Variants in ANGPT2 observed in about 807,000 individuals in gnomAD.
ANGPT2 encodes the protein angiopoietin-2.
A neutral mutation model predicts 62.9 loss-of-function variants in ANGPT2; 28 were observed. The observed-to-expected ratio is 0.44, with a 90% CI of 0.33 to 0.61. The LOEUF (loss-of-function observed/expected upper bound fraction) is 0.61. ANGPT2 is among the 20% of genes least tolerant of loss of function. The probability of loss-of-function intolerance (pLI) is 0.03; values close to 1 mark genes in which losing one functional copy is unlikely to be tolerated. For missense variants in ANGPT2, 727 were observed against 594.9 expected (o/e 1.22, Z -2.31); for synonymous variants, 284 against 207.8 (o/e 1.37, Z -3.15).
intron 5 of ANGPT2, among the ~76,000 whole-genome samples, chr8:6,515,697 A>G (rs1403217952): frequency 6.6e-6 from 1 of 152,234 alleles, no homozygotes; most frequent in Non-Finnish European, 1.5e-5. Flanking sequence ...AGAAAGTAAG[A>G]TAAATTTTCT....
At chr8:6,558,422 A>C (rs1586617432) in intron 1 of ANGPT2, among the ~76,000 whole-genome samples, 1 of 152,118 alleles carries the variant, frequency 6.6e-6, no homozygotes, top group Non-Finnish European at 1.5e-5. Context: ...CTTGTTTTTC[A>C]ATTTTAAATG....
At chr8:6,544,846 G>A (rs13250248) in intron 1 of ANGPT2, among the ~76,000 whole-genome samples, 31,141 of 152,078 alleles carry the variant, frequency 0.2, 3,346 homozygotes, top group Non-Finnish European at 0.22. Flanking sequence ...CTCGAAATAT[G>A]TTTTGAGGCC....
At chr8:6,524,374 G>T (rs1817944689) in intron 3 of ANGPT2, among the ~76,000 whole-genome samples, 1 of 152,166 alleles carries the variant, frequency 6.6e-6, no homozygotes, top group Non-Finnish European at 1.5e-5. Flanking sequence ...TTCTGCGAAG[G>T]CATATGAAGA....
intron 1 of ANGPT2, among the ~76,000 whole-genome samples, chr8:6,540,816 G>A (rs1821414829): frequency 6.6e-6 from 1 of 152,270 alleles, no homozygotes; most frequent in Non-Finnish European, 1.5e-5. Flanking sequence ...AACAGGCGCG[G>A]GAGGCAGGGG....
At position 6,521,306 on chromosome 8, in the gene ANGPT2, T is replaced by C; in HGVS notation, c.671A>G (p.Asn224Ser). 6.2e-7 allele frequency: 1 copy of C among 1,613,856 alleles called. No individual in the cohort carries two copies. The change falls in exon 4 of 9, where the codon AAT (asparagine) becomes AGT (serine). Residue 224 changes from asparagine to serine, a missense_variant. Coordinates refer to ENST00000629816, the MANE Select transcript of ANGPT2 (RefSeq NM_001118887.2). ...TTTTTCTAGTTCTTCAATGATGGAA[T>C]TTTGCTTGGATACTAACACCTGTAG... ...DQLQVLVSKQ[N>S]SIIEELEKKI...
At chr8:6,534,186 C>A (rs1488261030) in intron 1 of ANGPT2, among the ~76,000 whole-genome samples, 5 of 151,886 alleles carry the variant, frequency 3.3e-5, no homozygotes, top group Non-Finnish European at 7.4e-5. Flanking sequence ...ACGGGTTCAA[C>A]CACACCATCA....
At chr8:6,528,586 T>G (rs1818824762) in intron 2 of ANGPT2, among the ~76,000 whole-genome samples, 1 of 152,244 alleles carries the variant, frequency 6.6e-6, no homozygotes, top group African/African-American at 2.4e-5. Flanking sequence ...GCCTCAGCCT[T>G]GCCGTGCGGG....
chr8:6,554,488 C>A (rs1824240243), intron 1 of ANGPT2, among the ~76,000 whole-genome samples: 1 of 152,118 alleles, frequency 6.6e-6, no homozygotes, highest in South Asian at 2.1e-4. Flanking sequence ...CTTAGTATCT[C>A]ATCTCTTTAA....
At position 6,514,652 on chromosome 8, in the gene ANGPT2, C is replaced by A. The variant is rs200292434; in HGVS notation, c.1029+25G>T. 48 of 1,595,612 alleles carry A rather than the reference C, an allele frequency of 3.0e-5. No homozygotes were observed. In the Admixed American group the frequency reaches 7.5e-4, roughly 25 times the overall value. On this transcript the variant is annotated intron_variant, in intron 6 of 8. Transcript: ENST00000629816. ...TATTTTTCACAAGGGAAATTCTTTT[C>A]TGATGCCTTAAAGAATGTCCTTACC...
chr8:6,514,250 T>C (rs1257494072), intron 6 of ANGPT2, among the ~76,000 whole-genome samples: 2 of 152,142 alleles, frequency 1.3e-5, no homozygotes, highest in Non-Finnish European at 2.9e-5. Flanking sequence ...AGTGCAGTGG[T>C]GTGATCTTGG....
At chr8:6,539,341 A>T (rs1226944934) in intron 1 of ANGPT2, among the ~76,000 whole-genome samples, 1 of 152,154 alleles carries the variant, frequency 6.6e-6, no homozygotes, top group Non-Finnish European at 1.5e-5. Flanking sequence ...GACTGTTTTT[A>T]TAGTCTTGGC....
intron 1 of ANGPT2, among the ~76,000 whole-genome samples, chr8:6,557,732 G>A (rs1824874035): frequency 6.6e-6 from 1 of 151,702 alleles, no homozygotes; most frequent in Non-Finnish European, 1.5e-5. Context: ...TATACAGGGA[G>A]AGATAGAATG....
At chr8:6,512,588 T>A (rs2922903) in intron 7 of ANGPT2, among the ~76,000 whole-genome samples, 11 of 151,978 alleles carry the variant, frequency 7.2e-5, no homozygotes, top group South Asian at 2.1e-4. Flanking sequence ...ACAGTCTCAC[T>A]TCTCTGCCCC....
At chr8:6,539,765 T>A (rs1302130744) in intron 1 of ANGPT2, among the ~76,000 whole-genome samples, 5 of 152,146 alleles carry the variant, frequency 3.3e-5, no homozygotes, top group Non-Finnish European at 7.4e-5. Flanking sequence ...TTTTGTATTT[T>A]TAATAGAGAT....
Position 6,563,059 on chromosome 8 carries a change from GTCT to G in ANGPT2, c.-128_-126del. On this transcript the variant is annotated 5_prime_UTR_variant, in exon 1 of 9. Transcript: ENST00000629816. ...GCCATGGCTGGGTCCGTCAATGAAA[GTCT>G]TCTCTTTCCTCTTTTTCCAGTAGCA... 1 of 1,053,030 alleles carries G rather than the reference GTCT, an allele frequency of 9.5e-7. No individual in the cohort carries two copies. The highest frequency in any genetic ancestry group is 1.7e-5 in the South Asian group (1 of 57,838). The allele number at this position is 1,053,030 out of a possible 1,614,324, so 65.2% of individuals were successfully genotyped here. A position where few individuals can be genotyped will look rare whatever the true frequency, so the allele number is the denominator to read the frequency against.
chr8:6,521,139 G>C (rs762463383), intron 4 of ANGPT2, 39 bp downstream of exon 4: 1 of 1,559,200 alleles, frequency 6.4e-7, no homozygotes, highest in Non-Finnish European at 8.8e-7. Flanking sequence ...ACTGACTAAA[G>C]GTTATTAACG....
chr8:6,529,433 C>G (rs1237823119), intron 2 of ANGPT2, among the ~76,000 whole-genome samples: 3 of 151,518 alleles, frequency 2.0e-5, no homozygotes, highest in Non-Finnish European at 2.9e-5. Flanking sequence ...TTGCGGCCTT[C>G]CTTAAGCTCA....
intron 1 of ANGPT2, among the ~76,000 whole-genome samples, chr8:6,545,832 T>G (rs1056535834): frequency 6.6e-6 from 1 of 152,272 alleles, no homozygotes. Context: ...ACAAGATTAC[T>G]CTGAGAAAAG....
intron 1 of ANGPT2, among the ~76,000 whole-genome samples, chr8:6,557,403 C>T (rs1232943595): frequency 6.6e-6 from 1 of 152,116 alleles, no homozygotes; most frequent in African/African-American, 2.4e-5. Flanking sequence ...GACTCAGAGC[C>T]ACCCTGTTGC....
Sources: allele counts gnomAD v4.1 joint callset (sites outside exome capture counted in the v4.1 genomes callset), GRCh38; gene constraint gnomAD v4.1.1; transcripts MANE v1.5; gene names NCBI Gene and HGNC (gene_info 2026-07-23, HGNC 2026-07-21).